The following RECQL4 variants were observed in gnomAD, a reference collection of about 807,000 sequenced individuals.
RECQL4 encodes the protein ATP-dependent DNA helicase Q4.
Under a neutral mutation model 128.6 loss-of-function variants are expected in RECQL4, and 158 were observed. The ratio of observed to expected loss-of-function variants is 1.23; its 90% CI spans 1.08 to 1.40. The LOEUF is 1.40. RECQL4 is among the 40% of genes most tolerant of loss of function. The probability of loss-of-function intolerance (pLI) is 0.00; values close to 1 mark genes in which losing one functional copy is unlikely to be tolerated. For missense variants in RECQL4, 2,293 were observed against 1,649.8 expected, an observed-to-expected ratio of 1.39 and a Z score of -6.75; for synonymous variants, 996 against 678.9, an observed-to-expected ratio of 1.47 and a Z score of -7.26.
At position 144,515,901 on chromosome 8, in the gene RECQL4, C is replaced by T. The variant is rs2130714042; in HGVS notation, c.1132-11G>A. ...CTTCTGCTTCCATGCCTGGGGGGTG[C>T]CCACATAGGAGGGTCACTGGGCGGG... On this transcript the variant is annotated splice_polypyrimidine_tract_variant and intron_variant, in intron 5 of 20. Transcript: ENST00000617875. The T allele has an allele frequency of 6.2e-7, 1 of 1,612,706 alleles. No homozygotes were observed. Among genetic ancestry groups the T allele is most frequent in the Non-Finnish European group, 8.5e-7 (1 of 1,179,762 alleles).
rs942704068 is a variant in RECQL4, at chr8:144,517,639, T to C, written c.85-4A>G. The C allele has an allele frequency of 1.0e-5, 15 of 1,483,104 alleles. No homozygotes were observed. The highest frequency in any genetic ancestry group is 1.2e-5 in the Non-Finnish European group (14 of 1,124,506). 91.9% of individuals were successfully genotyped at this position (1,483,104 alleles called of 1,614,324 possible). A position where few individuals can be genotyped will look rare whatever the true frequency, so the allele number is the denominator to read the frequency against. On this transcript the variant is annotated splice_region_variant and splice_polypyrimidine_tract_variant and intron_variant, in intron 1 of 20. Coordinates refer to ENST00000617875, the MANE Select transcript of RECQL4 (RefSeq NM_004260.4). ...CCGGCGCCGCCTCCACGTCGTCCTG[T>C]AAAGGGAACGCGTCAGCCGCGGGCC...
chr8:144,514,212 G>C lies in RECQL4; in HGVS notation c.1855C>G (p.Pro619Ala), dbSNP rs773620376. 1 of 1,612,272 alleles carries C rather than the reference G, an allele frequency of 6.2e-7. No homozygotes were observed. Among genetic ancestry groups the C allele is most frequent in the African/African-American group, 1.3e-5 (1 of 74,892 alleles). ...CLSQWSHNFR[P>A]CYLRVCKVLR... ...ACCTTGCAGACGCGCAGGTAGCAGGGCCGGAAGTTGTGGGACCACTGGGAG... is the reference window on the plus strand; with the variant it reads ...ACCTTGCAGACGCGCAGGTAGCAGGCCCGGAAGTTGTGGGACCACTGGGAG... The change falls in exon 11 of 21, where the codon CCC (proline) becomes GCC (alanine). Residue 619 changes from proline (P) to alanine (A), a missense_variant. By Grantham distance (27) the Pro-to-Ala change is conservative. Transcript: ENST00000617875.
rs1457735234 is a variant in RECQL4, at chr8:144,512,200, C to G, written c.3180G>C (p.Gln1060His). The change falls in exon 18 of 21, where the codon CAG becomes CAC. Residue 1060 changes from glutamine (Q) to histidine (H), a missense_variant. Transcript: ENST00000617875. The stretch of plus-strand genomic sequence containing the variant: ...GGGCCAGGGCCTGGCGCTCCCGGGC[C>G]TGCACACGGCCATAGAGGAAGTCAC... ...QICDFLYGRV[Q>H]ARERQALARL... 6.2e-7 allele frequency: 1 copy of G among 1,611,976 alleles called. No homozygotes were observed. The highest frequency in any genetic ancestry group is 1.3e-5 in the African/African-American group (1 of 74,892).
Position 144,516,099 on chromosome 8 carries a change from G to A in RECQL4, c.1020C>T (p.His340=), listed in dbSNP as rs760928279. The change falls in exon 5 of 21, where the codon CAC becomes CAT. Residue 340 remains histidine, a synonymous_variant. Transcript: ENST00000617875. ...CATGGCGGGCCAGCCGAGGGAAGATGTGCAGGGGGGCTGTGCCCTCAGCCT... is the reference window on the plus strand; with the variant it reads ...CATGGCGGGCCAGCCGAGGGAAGATATGCAGGGGGGCTGTGCCCTCAGCCT... The part of the protein sequence containing the change: ...AGKAEGTAPL[H]IFPRLARHDR... 5 of 1,612,828 alleles carry A rather than the reference G, an allele frequency of 3.1e-6. No homozygotes were observed. Among genetic ancestry groups the A allele is most frequent in the Middle Eastern group, 1.7e-4 (1 of 6,060 alleles).
In RECQL4 at chr8:144,513,429, C is replaced by G; in HGVS notation, c.2252G>C (p.Arg751Pro). The change falls in exon 14 of 21, where the codon CGG becomes CCG. Residue 751 changes from arginine to proline, a missense_variant. By Grantham distance (103) the Arg-to-Pro change is moderately radical. Transcript: ENST00000617875. Reference sequence around the variant, plus strand: ...GGCTCGCTGTACCCGCCGCCGTTCCCGGCTGCACATGCCCGCGTGGTAGGC... The same window carrying G: ...GGCTCGCTGTACCCGCCGCCGTTCCGGGCTGCACATGCCCGCGTGGTAGGC... ...AEAYHAGMCS[R>P]ERRRVQRAFM... 6.2e-7 allele frequency: 1 copy of G among 1,609,626 alleles called. No individual in the cohort carries two copies. Among genetic ancestry groups the G allele is most frequent in the Non-Finnish European group, 8.5e-7 (1 of 1,179,778 alleles).
Position 144,511,598 on chromosome 8 carries a change from C to G in RECQL4, c.3503-43G>C, listed in dbSNP as rs755069201. 19 of 1,607,842 alleles carry G rather than the reference C, an allele frequency of 1.2e-5. No individual in the cohort carries two copies. The East Asian group carries it at 2.7e-4, about 23-fold the overall frequency. ...CACAGCCGTGAGCCCCAGCCCCAGC[C>G]TGCAGCGGGTGGAGCCTCCCAGGCC... On this transcript the variant is annotated intron_variant, in intron 20 of 20. Coordinates refer to ENST00000617875, the MANE Select transcript of RECQL4 (RefSeq NM_004260.4).
At chr8:144,511,660 G>GT in intron 20 of RECQL4, 21 bp downstream of exon 20, 1 of 1,610,014 alleles carries the variant, frequency 6.2e-7, no homozygotes, top group Non-Finnish European at 8.5e-7. Context: ...CCTGCAGCGG[G>GT]TGGGGCCTCC....
rs773289669 is a variant in RECQL4, at chr8:144,514,110, G to A, written c.1879-3C>T. ...ACGCCCATGCGCTCCCGAAGCACCT[G>A]CACCAGAGGCGGCAGTGGTGTGAGG... is the stretch of plus-strand genomic sequence containing the variant. On this transcript the variant is annotated splice_region_variant and splice_polypyrimidine_tract_variant and intron_variant, in intron 11 of 20. Transcript: ENST00000617875. 1 of 1,607,720 alleles carries A rather than the reference G, an allele frequency of 6.2e-7. No homozygotes were observed. Among genetic ancestry groups the A allele is most frequent in the Non-Finnish European group, 8.5e-7 (1 of 1,177,914 alleles).
rs776984776 is a variant in RECQL4, at chr8:144,514,270, A to G, written c.1797T>C (p.Val599=). 6.2e-7 allele frequency: 1 copy of G among 1,612,000 alleles called. No homozygotes were observed. Among genetic ancestry groups the G allele is most frequent in the African/African-American group, 1.3e-5 (1 of 74,878 alleles). Residue 599 remains valine (V), a synonymous_variant, in exon 11 of 21, where the codon GTT becomes GTC. Transcript: ENST00000617875. The part of the protein sequence containing the change: ...GLPPAAQLPP[V]AFACIDEAHC... The stretch of plus-strand genomic sequence containing the variant: ...GGGCCTCATCAATGCAGGCAAAAGC[A>G]ACTGGAGGCAGCTGTGCGGCTGGAG...
In RECQL4 at chr8:144,512,252, A is replaced by T. The variant is rs398124118; in HGVS notation, c.3128T>A (p.Leu1043Ter). 5 of 1,612,460 alleles carry T rather than the reference A, an allele frequency of 3.1e-6. No individual in the cohort carries two copies. In the Middle Eastern group the frequency reaches 8.3e-4, roughly 266 times the overall value. The change falls in exon 18 of 21, where the codon TTG (leucine) becomes TAG (stop). Residue 1043 changes from leucine (L) to a stop codon, truncating the protein, a stop_gained. Coordinates refer to ENST00000617875, the MANE Select transcript of RECQL4 (RefSeq NM_004260.4). LOFTEE classifies it high-confidence loss of function. ...TATCTGGTCCTTCTCCTCAGCGGTC[A>T]AGTCCCCCGGGCTGCGAAGGTGGAA... ...LAFHLRSPGD[L>*]TAEEKDQICD...
Position 144,515,186 on chromosome 8 carries a change from G to A in RECQL4, c.1447C>T (p.Pro483Ser). Residue 483 changes from proline (P) to serine (S), a missense_variant, in exon 8 of 21, where the codon CCT becomes TCT. Pro to Ser is a moderately conservative substitution (Grantham distance 74). Coordinates refer to ENST00000617875, the MANE Select transcript of RECQL4 (RefSeq NM_004260.4). ...CGCATGACTGCACGCTCCTGCCCAG[G>A]GCGAAAGGCTTGGTGCCCCAGCTGC... ...LEQLGHQAFR[P>S]GQERAVMRIL... 1.9e-6 allele frequency: 3 copies of A among 1,567,300 alleles called. No homozygotes were observed. Among genetic ancestry groups the A allele is most frequent in the South Asian group, 1.2e-5 (1 of 85,740 alleles).
intron 16 of RECQL4, 30 bp from the exon 17 acceptor site, chr8:144,512,591 C>CA (rs764586373): frequency 6.2e-7 from 1 of 1,612,092 alleles, no homozygotes; most frequent in South Asian, 1.1e-5. Context: ...GACATGTGGC[C>CA]AACAGCCCTG....
Position 144,514,022 on chromosome 8 carries a change from T to C in RECQL4, c.1964A>G (p.His655Arg). Reference sequence around the variant, plus strand: ...GTCAGGCTCTTCAGCCACAGCCAGGTGCTGTGCCACGTCACTGGCAGTGCG... The same window carrying C: ...GTCAGGCTCTTCAGCCACAGCCAGGCGCTGTGCCACGTCACTGGCAGTGCG... ...TRRTASDVAQ[H>R]LAVAEEPDLH... The change falls in exon 12 of 21, where the codon CAC becomes CGC. Residue 655 changes from histidine to arginine, a missense_variant. His to Arg is a conservative substitution (Grantham distance 29). Transcript: ENST00000617875. The C allele has an allele frequency of 6.4e-7, 1 of 1,572,572 alleles. No homozygotes were observed. Among genetic ancestry groups the C allele is most frequent in the Non-Finnish European group, 8.6e-7 (1 of 1,159,984 alleles).
rs573164516 is a variant in RECQL4 at position 144,515,189 on chromosome 8, G to T, written c.1444C>A (p.Arg482Ser). 1.3e-6 allele frequency: 2 copies of T among 1,567,860 alleles called. No individual in the cohort carries two copies. Among genetic ancestry groups the T allele is most frequent in the East Asian group, 4.8e-5 (2 of 41,958 alleles). Residue 482 changes from arginine (R) to serine (S), a missense_variant, in exon 8 of 21, where the codon CGC (arginine) becomes AGC (serine). Arg to Ser is a moderately radical substitution (Grantham distance 110). Coordinates refer to ENST00000617875, the MANE Select transcript of RECQL4 (RefSeq NM_004260.4). ...ATGACTGCACGCTCCTGCCCAGGGC[G>T]AAAGGCTTGGTGCCCCAGCTGCTCC... Reference protein sequence around the residue: ...ALEQLGHQAFRPGQERAVMRI... With the variant: ...ALEQLGHQAFSPGQERAVMRI...
chr8:144,511,818 CTG>C, intron 19 of RECQL4, 29 bp from the exon 20 acceptor site: 1 of 1,611,912 alleles, frequency 6.2e-7, no homozygotes, highest in Non-Finnish European at 8.5e-7. Flanking sequence ...CAGGCTTCCT[CTG>C]AGCTCCCGTG....
intron 16 of RECQL4, 40 bp downstream of exon 16, chr8:144,512,602 A>T: frequency 1.2e-6 from 2 of 1,611,826 alleles, no homozygotes; most frequent in Non-Finnish European, 1.7e-6. Context: ...AACAGCCCTG[A>T]TTCTCCAACC....
Position 144,514,261 on chromosome 8 carries a change from G to C in RECQL4, c.1806C>G (p.Ala602=). The C allele has an allele frequency of 6.2e-7, 1 of 1,612,228 alleles. No individual in the cohort carries two copies. Among genetic ancestry groups the C allele is most frequent in the Non-Finnish European group, 8.5e-7 (1 of 1,179,694 alleles). ...PAAQLPPVAF[A]CIDEAHCLSQ... The stretch of plus-strand genomic sequence containing the variant: ...AGAGGCAGTGGGCCTCATCAATGCA[G>C]GCAAAAGCAACTGGAGGCAGCTGTG... The change falls in exon 11 of 21, where the codon GCC becomes GCG. Residue 602 remains alanine (A), a synonymous_variant. Transcript: ENST00000617875.
At chr8:144,513,505 C>T (rs1342795545) in intron 13 of RECQL4, 25 bp from the exon 14 acceptor site, 3 of 1,610,542 alleles carry the variant, frequency 1.9e-6, no homozygotes, top group Non-Finnish European at 2.5e-6. Flanking sequence ...GGCAGATGGT[C>T]AGTGGGATGG....
chr8:144,515,599 G>A (rs1828041159), intron 6 of RECQL4, 142 bp from the exon 7 acceptor site: 4 of 1,475,232 alleles, frequency 2.7e-6, no homozygotes, highest in Non-Finnish European at 3.7e-6. Context: ...AGAAAAGAGT[G>A]ACAGCCATCG....
Sources: gnomAD v4.1 joint callset for allele counts on GRCh38, gnomAD v4.1.1 for gene constraint, MANE v1.5 for transcripts, NCBI Gene and HGNC (gene_info 2026-07-23, HGNC 2026-07-21) for gene names.